SDK1: variants seen among roughly 807,000 people sequenced by gnomAD.
SDK1 encodes sidekick cell adhesion molecule 1.
SDK1 carries 157 observed loss-of-function variants against 245.5 expected under a neutral mutation model. The observed-to-expected ratio is 0.64, with a 90% CI of 0.56 to 0.73. The LOEUF (loss-of-function observed/expected upper bound fraction) is 0.73. Among genes scored for constraint, SDK1 ranks in the 30% least tolerant of loss-of-function variants. SDK1 has a pLI of 0.00. For synonymous variants in SDK1, 1,647 were observed against 1,278.5 expected, an observed-to-expected ratio of 1.29 and a Z score of -6.15; for missense variants, 3,583 against 3,002.3, an observed-to-expected ratio of 1.19 and a Z score of -4.52.
chr7:3,859,251 G>C (rs1215835309), intron 5 of SDK1, among the ~76,000 whole-genome samples: 2 of 152,142 alleles, frequency 1.3e-5, no homozygotes, highest in Admixed American at 6.5e-5. Flanking sequence ...TGATCCACCT[G>C]CCTAGCTGGG....
At chr7:3,587,300 C>CGTGTGT (rs10523052) in intron 1 of SDK1, among the ~76,000 whole-genome samples, 171 of 149,164 alleles carry the variant, frequency 1.1e-3, no homozygotes, top group South Asian at 3.0e-3. Flanking sequence ...AGAAACAGAA[C>CGTGTGT]GTGTGTGTGT....
Position 3,408,658 on chromosome 7 carries a change from C to T in SDK1, c.298+106774C>T, listed in dbSNP as rs181445465. 3.6e-3 allele frequency among the ~76,000 whole-genome samples: 547 copies of T among 152,252 alleles called. 17 individuals carry two copies. The highest frequency in any genetic ancestry group is 0.028 in the Admixed American group (433 of 15,292). ...CTTTTTGGGCACCTGTTTGTATAAA[C>T]GTATCAATTTGACCTGTACTTGAAT... On this transcript the variant is annotated intron_variant, in intron 1 of 44. Transcript: ENST00000404826.
chr7:4,018,853 T>C (rs1038683812), intron 17 of SDK1, among the ~76,000 whole-genome samples: 2 of 152,028 alleles, frequency 1.3e-5, no homozygotes, highest in African/African-American at 4.8e-5. Flanking sequence ...GCAGGGAATG[T>C]AGGAGGCGGG....
chr7:3,434,732 C>A (rs939490032), intron 1 of SDK1, among the ~76,000 whole-genome samples: 1 of 152,046 alleles, frequency 6.6e-6, no homozygotes, highest in Non-Finnish European at 1.5e-5. Flanking sequence ...GAGTTGTTGC[C>A]ATCATTAACC....
intron 1 of SDK1, among the ~76,000 whole-genome samples, chr7:3,353,512 T>A (rs892109625): frequency 1.3e-5 from 2 of 152,228 alleles, no homozygotes; most frequent in Non-Finnish European, 2.9e-5. Flanking sequence ...GTTCTCTGTT[T>A]ATGCTCTTTG....
At chr7:3,454,316 C>G (rs914675193) in intron 1 of SDK1, among the ~76,000 whole-genome samples, 5 of 150,790 alleles carry the variant, frequency 3.3e-5, no homozygotes, top group African/African-American at 4.9e-5. Context: ...TTTAATGTTA[C>G]GTTTTTTCAG....
intron 5 of SDK1, among the ~76,000 whole-genome samples, chr7:3,831,141 C>A (rs1779903144): frequency 6.6e-6 from 1 of 152,166 alleles, no homozygotes; most frequent in African/African-American, 2.4e-5. Flanking sequence ...GACATACATC[C>A]ATTACACAGC....
At chr7:3,732,170 CTG>C (rs1779199824) in intron 4 of SDK1, among the ~76,000 whole-genome samples, 1 of 152,212 alleles carries the variant, frequency 6.6e-6, no homozygotes, top group African/African-American at 2.4e-5. Context: ...TGGGCTTTCT[CTG>C]TGTTGAAGTA....
At chr7:3,340,963 C>T (rs747860333) in intron 1 of SDK1, among the ~76,000 whole-genome samples, 6 of 152,076 alleles carry the variant, frequency 3.9e-5, no homozygotes, top group Non-Finnish European at 5.9e-5. Flanking sequence ...TTTATTCAGT[C>T]TCTTCTAGAA....
Position 4,202,006 on chromosome 7 carries a change from A to G in SDK1, c.5099-3873A>G, listed in dbSNP as rs561954748. 9.9e-4 allele frequency among the ~76,000 whole-genome samples: 150 copies of G among 152,158 alleles called. 1 individual carries two copies. The highest frequency in any genetic ancestry group is 2.3e-3 in the Admixed American group (35 of 15,300). On this transcript the variant is annotated intron_variant, in intron 35 of 44. Coordinates refer to ENST00000404826, the MANE Select transcript of SDK1 (RefSeq NM_152744.4). ...TTCTACTCTTTCTCCTTCCATCTCT[A>G]TAGTCAGCAGTGCCCTTGCTCCCTG... is the stretch of plus-strand genomic sequence containing the variant.
intron 14 of SDK1, among the ~76,000 whole-genome samples, chr7:3,998,830 C>T (rs1784867452): frequency 6.6e-6 from 1 of 152,170 alleles, no homozygotes; most frequent in African/African-American, 2.4e-5. Context: ...TCTCCACTGC[C>T]TAGGGAGTGC....
chr7:3,773,304 C>A (rs1159461231), intron 4 of SDK1, among the ~76,000 whole-genome samples: 1 of 152,046 alleles, frequency 6.6e-6, no homozygotes, highest in Non-Finnish European at 1.5e-5. Flanking sequence ...TTCTTTCTTC[C>A]ACCTCATTAA....
At chr7:3,531,697 C>T (rs1043272944) in intron 1 of SDK1, among the ~76,000 whole-genome samples, 11 of 152,084 alleles carry the variant, frequency 7.2e-5, no homozygotes, top group African/African-American at 2.7e-4. Flanking sequence ...TGTCGCCTCA[C>T]CTAGGTAATG....
chr7:3,884,622 G>A (rs2128100263), intron 5 of SDK1, among the ~76,000 whole-genome samples: 1 of 152,230 alleles, frequency 6.6e-6, no homozygotes, highest in Middle Eastern at 3.4e-3. Flanking sequence ...TGCCAGGCTT[G>A]TTCTAGGTGC....
rs532281867 is a variant in SDK1 at position 4,077,064 on chromosome 7, C to T, written c.3077C>T (p.Thr1026Met). The T allele has an allele frequency of 2.3e-5, 37 of 1,614,180 alleles. No homozygotes were observed. In the East Asian group the frequency reaches 3.1e-4, roughly 14 times the overall value. Residue 1026 changes from threonine to methionine, a missense_variant, in exon 21 of 45, where the codon ACG becomes ATG. Coordinates refer to ENST00000404826, the MANE Select transcript of SDK1 (RefSeq NM_152744.4). Reference protein sequence around the residue: ...DSRLTHTLNSTTHEYKIQGLS... With the variant: ...DSRLTHTLNSMTHEYKIQGLS... The stretch of plus-strand genomic sequence containing the variant: ...CGTCTCACGCACACCCTGAACAGCA[C>T]GACGCACGAGTACAAGATCCAAGGC...
chr7:3,798,266 G>A (rs1779015790), intron 4 of SDK1, among the ~76,000 whole-genome samples: 1 of 142,874 alleles, frequency 7.0e-6, no homozygotes, highest in South Asian at 2.2e-4. Flanking sequence ...TGCCCAGGCT[G>A]GAGTGCAGTG....
intron 1 of SDK1, among the ~76,000 whole-genome samples, chr7:3,465,616 C>T (rs536801025): frequency 6.6e-6 from 1 of 152,190 alleles, no homozygotes; most frequent in Admixed American, 6.5e-5. Context: ...GTGCTGTGAA[C>T]ACACGCATCC....
intron 1 of SDK1, among the ~76,000 whole-genome samples, chr7:3,470,597 CTTA>C (rs778618841): frequency 3.9e-5 from 6 of 152,006 alleles, no homozygotes; most frequent in Non-Finnish European, 7.4e-5. Context: ...ACGCTGGAGA[CTTA>C]TTATGACTTT....
rs564459459 is a variant in SDK1 at position 3,889,579 on chromosome 7, C to G, written c.848-61344C>G. Among the ~76,000 whole-genome samples the G allele has an allele frequency of 5.9e-5, 9 of 152,264 alleles. No homozygotes were observed. In the South Asian group the frequency reaches 8.3e-4, roughly 14 times the overall value. ...CTGGAGTGCAGAGGAGCGATCTCAG[C>G]TCACTGCAAGCTCTGCCTCCCGGCT... On this transcript the variant is annotated intron_variant, in intron 5 of 44. Transcript: ENST00000404826.
Sources: allele counts gnomAD v4.1 joint callset (sites outside exome capture counted in the v4.1 genomes callset), GRCh38; gene constraint gnomAD v4.1.1; transcripts MANE v1.5; gene names NCBI Gene and HGNC (gene_info 2026-07-23, HGNC 2026-07-21).